Variants in ELOVL6 observed in about 807,000 individuals in gnomAD.
ELOVL6 encodes very long chain fatty acid elongase 6.
Under a neutral mutation model 31.7 loss-of-function variants are expected in ELOVL6, and 8 were observed. The ratio of observed to expected loss-of-function variants is 0.25; its 90% CI spans 0.15 to 0.45. The LOEUF (loss-of-function observed/expected upper bound fraction) is 0.45. ELOVL6 is among the 20% of genes least tolerant of loss of function. The pLI is 1.00. For missense variants in ELOVL6, 126 were observed against 326.4 expected (o/e 0.39, Z 4.73); for synonymous variants, 101 against 117.7 (o/e 0.86, Z 0.92).
In ELOVL6 at chr4:110,179,146, C is replaced by G. The variant is rs566443201; in HGVS notation, c.89+19101G>C. Among the ~76,000 whole-genome samples, 4 of 152,008 alleles carry G rather than the reference C, an allele frequency of 2.6e-5. No homozygotes were observed. The East Asian group carries it at 7.7e-4, about 29-fold the overall frequency. Reference sequence around the variant, plus strand: ...ATATGTATACCTTCATAATTCTAGGCCTCCAGATACATACAATTTAATTGA... The same window carrying G: ...ATATGTATACCTTCATAATTCTAGGGCTCCAGATACATACAATTTAATTGA... On this transcript the variant is annotated intron_variant, in intron 1 of 3. Transcript: ENST00000302274.
intron 2 of ELOVL6, among the ~76,000 whole-genome samples, chr4:110,080,801 T>C (rs1046893085): frequency 2.6e-5 from 4 of 152,068 alleles, no homozygotes; most frequent in African/African-American, 9.7e-5. Flanking sequence ...GAAGTCAAAT[T>C]GTCCCTGTTT....
At chr4:110,084,159 T>TATATGCTATATATGATATATAAC (rs1756056339) in intron 2 of ELOVL6, among the ~76,000 whole-genome samples, 1 of 105,340 alleles carries the variant, frequency 9.5e-6, no homozygotes, top group Non-Finnish European at 1.6e-5. Context: ...ATATATAACA[T>TATATGCTATATATGATATATAAC]ATATGTGATA....
intron 1 of ELOVL6, among the ~76,000 whole-genome samples, chr4:110,113,008 A>T (rs1757077787): frequency 6.6e-6 from 1 of 151,826 alleles, no homozygotes; most frequent in African/African-American, 2.4e-5. Context: ...GCAGATCACG[A>T]GGTCAGGGGA....
chr4:110,114,346 CTTTTTTTT>C (rs1757119288), intron 1 of ELOVL6, among the ~76,000 whole-genome samples: 1 of 150,044 alleles, frequency 6.7e-6, no homozygotes. Flanking sequence ...ATTTTTTTTT[CTTTTTTTT>C]AGATCTTCTT....
intron 2 of ELOVL6, among the ~76,000 whole-genome samples, chr4:110,079,128 C>A (rs1488177103): frequency 6.6e-6 from 1 of 152,152 alleles, no homozygotes; most frequent in East Asian, 1.9e-4. Context: ...TAGACTCCCA[C>A]ACAATAATAA....
intron 1 of ELOVL6, among the ~76,000 whole-genome samples, chr4:110,169,238 G>GCT (rs1758869669): frequency 1.5e-5 from 2 of 136,732 alleles, no homozygotes; most frequent in Non-Finnish European, 3.1e-5. Context: ...GGGGTTTTTT[G>GCT]TTTTGTTTTT....
chr4:110,146,051 C>A (rs1758100737), intron 1 of ELOVL6, among the ~76,000 whole-genome samples: 1 of 152,070 alleles, frequency 6.6e-6, no homozygotes, highest in African/African-American at 2.4e-5. Flanking sequence ...AAAGCAATAG[C>A]AGCAAAAAGA....
chr4:110,092,127 C>G (rs539023789), intron 2 of ELOVL6, among the ~76,000 whole-genome samples: 2 of 152,236 alleles, frequency 1.3e-5, no homozygotes, highest in South Asian at 4.2e-4. Flanking sequence ...TGAAATTAGT[C>G]CATTTACTAG....
intron 1 of ELOVL6, among the ~76,000 whole-genome samples, chr4:110,154,319 G>A (rs182940486): frequency 3.8e-4 from 58 of 152,092 alleles, no homozygotes; most frequent in African/African-American, 1.3e-3. Flanking sequence ...GCAGTGGTGC[G>A]CTATCAGCTC....
chr4:110,132,984 A>G (rs1757710739), intron 1 of ELOVL6, among the ~76,000 whole-genome samples: 1 of 152,188 alleles, frequency 6.6e-6, no homozygotes, highest in Non-Finnish European at 1.5e-5. Flanking sequence ...GAAGTCATCC[A>G]TGTCTGGGTG....
chr4:110,166,882 A>G (rs62326607), intron 1 of ELOVL6, among the ~76,000 whole-genome samples: 6,829 of 152,270 alleles, frequency 0.045, 222 homozygotes, highest in South Asian at 0.12. Flanking sequence ...ACTATATTCC[A>G]GCACTGGAAT....
At chr4:110,069,441 A>G (rs1382334194) in intron 2 of ELOVL6, among the ~76,000 whole-genome samples, 1 of 152,030 alleles carries the variant, frequency 6.6e-6, no homozygotes, top group Non-Finnish European at 1.5e-5. Context: ...CCCAGACTAA[A>G]CAATGCAAGG....
At chr4:110,161,170 T>C (rs894000088) in intron 1 of ELOVL6, among the ~76,000 whole-genome samples, 1 of 152,196 alleles carries the variant, frequency 6.6e-6, no homozygotes, top group Non-Finnish European at 1.5e-5. Flanking sequence ...ATGGATTATA[T>C]ACAGCCTGAA....
At chr4:110,122,919 G>A (rs1464666364) in intron 1 of ELOVL6, among the ~76,000 whole-genome samples, 1 of 152,162 alleles carries the variant, frequency 6.6e-6, no homozygotes, top group African/African-American at 2.4e-5. Context: ...TCTAGGTCAA[G>A]TTGCCTATCC....
chr4:110,067,573 A>C (rs974078653), intron 2 of ELOVL6, among the ~76,000 whole-genome samples: 1 of 152,230 alleles, frequency 6.6e-6, no homozygotes, highest in Non-Finnish European at 1.5e-5. Context: ...AGAAAGGAGA[A>C]GTGCCAAGAA....
chr4:110,145,221 C>A (rs1714989095), intron 1 of ELOVL6, among the ~76,000 whole-genome samples: 1 of 152,006 alleles, frequency 6.6e-6, no homozygotes, highest in Non-Finnish European at 1.5e-5. Context: ...CAGCCCCTAG[C>A]TAACAGGGCT....
At chr4:110,120,525 AT>A (rs1757314100) in intron 1 of ELOVL6, among the ~76,000 whole-genome samples, 2 of 152,138 alleles carry the variant, frequency 1.3e-5, no homozygotes, top group South Asian at 4.1e-4. Flanking sequence ...TGGGAACTTG[AT>A]GCACCATTAT....
intron 1 of ELOVL6, among the ~76,000 whole-genome samples, chr4:110,153,629 T>C (rs1242458638): frequency 6.6e-6 from 1 of 152,206 alleles, no homozygotes; most frequent in East Asian, 1.9e-4. Context: ...TTTATGTAAA[T>C]CCCATTCTTA....
intron 1 of ELOVL6, among the ~76,000 whole-genome samples, chr4:110,157,010 A>G (rs1019771839): frequency 2.6e-5 from 4 of 152,234 alleles, no homozygotes; most frequent in Admixed American, 6.5e-5. Context: ...AACAACTGAT[A>G]GAAACTGGCT....
Sources: allele counts gnomAD v4.1 joint callset (sites outside exome capture counted in the v4.1 genomes callset), GRCh38; gene constraint gnomAD v4.1.1; transcripts MANE v1.5; gene names NCBI Gene and HGNC (gene_info 2026-07-23, HGNC 2026-07-21).